The following TDP1 variants were observed in gnomAD, a reference collection of about 807,000 sequenced individuals.
The protein encoded by TDP1 is tyrosyl-DNA phosphodiesterase 1, also known as tyr-DNA phosphodiesterase 1.
In TDP1, 64 loss-of-function variants were observed where a neutral mutation model predicts 81.5. The ratio of observed to expected loss-of-function variants is 0.79; its 90% CI spans 0.64 to 0.97. The LOEUF is 0.97. Among genes scored for constraint, TDP1 ranks in the 50% least tolerant of loss-of-function variants. The pLI is 0.00. For missense variants in TDP1, 723 were observed against 743.8 expected (o/e 0.97, Z 0.33); for synonymous variants, 256 against 264.3 (o/e 0.97, Z 0.30).
intron 16 of TDP1, among the ~76,000 whole-genome samples, chr14:90,036,638 C>A (rs774715473): frequency 6.6e-6 from 1 of 152,112 alleles, no homozygotes; most frequent in Non-Finnish European, 1.5e-5. Flanking sequence ...CTCCACAGAT[C>A]TATATTGAGA....
intron 15 of TDP1, among the ~76,000 whole-genome samples, chr14:90,027,404 A>G (rs535108842): frequency 1.3e-5 from 2 of 151,934 alleles, no homozygotes; most frequent in East Asian, 3.9e-4. Context: ...CCACGAGATG[A>G]TGTCCGGACT....
Position 90,033,143 on chromosome 14 carries a change from C to T in TDP1, c.1682C>T (p.Ala561Val). Residue 561 changes from alanine (A) to valine (V), a missense_variant, in exon 16 of 17, where the codon GCT (alanine) becomes GTT (valine). Physicochemically the swap from Ala to Val is moderately conservative, Grantham distance 64. Transcript: ENST00000335725. ...TTCAAAGTGAAACAGAAGTTCTTCG[C>T]TGGCAGCCAGGAGCCAATGGCCACC... ...DSFKVKQKFF[A>V]GSQEPMATFP... 6.2e-7 allele frequency: 1 copy of T among 1,613,446 alleles called. No homozygotes were observed. Among genetic ancestry groups the T allele is most frequent in the Non-Finnish European group, 8.5e-7 (1 of 1,179,476 alleles).
intron 2 of TDP1, among the ~76,000 whole-genome samples, chr14:89,960,836 A>G (rs568784135): frequency 6.6e-6 from 1 of 152,358 alleles, no homozygotes; most frequent in Admixed American, 6.5e-5. Flanking sequence ...GAAAAGGGAT[A>G]GATACCTTTA....
chr14:90,011,096 T>G (rs1327886458), intron 14 of TDP1, among the ~76,000 whole-genome samples: 2 of 152,170 alleles, frequency 1.3e-5, no homozygotes, highest in Non-Finnish European at 2.9e-5. Flanking sequence ...TAAAGAGCAG[T>G]TTCTCTGCAC....
chr14:89,968,002 A>G (rs1893147757), intron 5 of TDP1, among the ~76,000 whole-genome samples: 1 of 152,182 alleles, frequency 6.6e-6, no homozygotes, highest in African/African-American at 2.4e-5. Context: ...GCAGATTCCC[A>G]TAACAGCAAG....
chr14:90,025,789 A>G (rs35522230), intron 15 of TDP1, among the ~76,000 whole-genome samples: 2 of 152,012 alleles, frequency 1.3e-5, no homozygotes, highest in Non-Finnish European at 2.9e-5. Context: ...GGCCTCTGTG[A>G]ATATATCAGG....
intron 14 of TDP1, among the ~76,000 whole-genome samples, chr14:89,996,907 C>T (rs1217015781): frequency 2.0e-5 from 3 of 152,124 alleles, no homozygotes; most frequent in South Asian, 2.1e-4. Context: ...AGGAATAAGG[C>T]GGCAGAGTTG....
chr14:90,032,794 C>T (rs1159067053), intron 15 of TDP1: 1 of 984,764 alleles, frequency 1.0e-6, no homozygotes, highest in Non-Finnish European at 1.2e-6. Flanking sequence ...GCAAACTGTA[C>T]ATAATGTTGG....
intron 8 of TDP1, chr14:89,984,002 T>A: frequency 2.1e-6 from 1 of 485,870 alleles, no homozygotes; most frequent in Non-Finnish European, 2.7e-6. Context: ...ATGGGTTTGT[T>A]AATTGAAAAT....
At chr14:89,962,874 A>G in intron 2 of TDP1, 2 of 444,584 alleles carry the variant, frequency 4.5e-6, no homozygotes, top group Non-Finnish European at 5.9e-6. Flanking sequence ...ACCCTGTTTC[A>G]AAAAAAAAAA....
chr14:89,997,391 G>A (rs1896727552), intron 14 of TDP1, among the ~76,000 whole-genome samples: 1 of 152,114 alleles, frequency 6.6e-6, no homozygotes, highest in South Asian at 2.1e-4. Context: ...CTGAGTTTGG[G>A]GTATGTAGAT....
intron 13 of TDP1, 174 bp from the exon 14 acceptor site, chr14:89,993,202 A>G (rs1409978706): frequency 2.1e-6 from 2 of 953,114 alleles, no homozygotes; most frequent in Non-Finnish European, 2.5e-6. Flanking sequence ...TTATAATTCT[A>G]AAATGGGCAT....
rs57841849 is a variant in TDP1, at chr14:89,999,048, A to G, written c.1541+5565A>G. 9.4e-4 allele frequency among the ~76,000 whole-genome samples: 143 copies of G among 152,200 alleles called. 1 individual carries two copies. Among genetic ancestry groups the G allele is most frequent in the South Asian group, 5.4e-3 (26 of 4,810 alleles). ...AATAAGATGTGGTTTTAAATAGTCGACTTCAGCTTATACTCAAATAGTGTG... is the reference window on the plus strand; with the variant it reads ...AATAAGATGTGGTTTTAAATAGTCGGCTTCAGCTTATACTCAAATAGTGTG... On this transcript the variant is annotated intron_variant, in intron 14 of 16. Transcript: ENST00000335725.
chr14:90,008,055 C>T (rs1052798297), intron 14 of TDP1, among the ~76,000 whole-genome samples: 5 of 152,170 alleles, frequency 3.3e-5, no homozygotes, highest in Admixed American at 1.3e-4. Context: ...AGTTTAGCTA[C>T]GATGGATAAA....
intron 14 of TDP1, among the ~76,000 whole-genome samples, chr14:89,996,697 C>T (rs1487892418): frequency 6.6e-6 from 1 of 152,230 alleles, no homozygotes; most frequent in Non-Finnish European, 1.5e-5. Context: ...TCAGACTTCT[C>T]AACTGCACAG....
chr14:89,965,650 G>A (rs1892856193), intron 3 of TDP1: 1 of 342,190 alleles, frequency 2.9e-6, no homozygotes, highest in Non-Finnish European at 4.1e-6. Flanking sequence ...CACCAGGAAT[G>A]TGAGTTGATA....
intron 5 of TDP1, among the ~76,000 whole-genome samples, chr14:89,967,697 C>T (rs139585502): frequency 1.6e-3 from 238 of 152,288 alleles, no homozygotes; most frequent in Admixed American, 4.0e-3. Context: ...CATGTCCAGT[C>T]TTAATATGAA....
intron 16 of TDP1, among the ~76,000 whole-genome samples, chr14:90,039,259 A>T (rs1203333890): frequency 6.6e-6 from 1 of 152,192 alleles, no homozygotes; most frequent in South Asian, 2.1e-4. Context: ...CATTTCTACT[A>T]ACTTGGTAAA....
intron 14 of TDP1, among the ~76,000 whole-genome samples, chr14:89,998,780 C>T (rs1012140716): frequency 1.4e-4 from 22 of 151,942 alleles, no homozygotes; most frequent in Non-Finnish European, 2.8e-4. Flanking sequence ...GTTTGATTAA[C>T]AGCAAAGTGA....
Sources: allele counts gnomAD v4.1 joint callset (sites outside exome capture counted in the v4.1 genomes callset), GRCh38; gene constraint gnomAD v4.1.1; transcripts MANE v1.5; gene names NCBI Gene and HGNC (gene_info 2026-07-23, HGNC 2026-07-21).